The following TMEM65 variants were observed in gnomAD, a reference collection of about 807,000 sequenced individuals.
The protein encoded by TMEM65 is transmembrane protein 65.
In TMEM65, 22 loss-of-function variants were observed where a neutral mutation model predicts 25.4. That is an observed-to-expected ratio of 0.86 (90% CI 0.62 to 1.23). The LOEUF is 1.23. Among genes scored for constraint, TMEM65 ranks in the 50% most tolerant of loss-of-function variants. The pLI is 0.00. For missense variants in TMEM65, 262 were observed against 308.2 expected, an observed-to-expected ratio of 0.85 and a Z score of 1.12; for synonymous variants, 132 against 126.2, an observed-to-expected ratio of 1.05 and a Z score of -0.31.
At chr8:124,348,696 T>C (rs1563596571) in intron 1 of TMEM65, among the ~76,000 whole-genome samples, 1 of 152,192 alleles carries the variant, frequency 6.6e-6, no homozygotes, top group Non-Finnish European at 1.5e-5. Flanking sequence ...TAAAATAAAA[T>C]TGTTTCGTAT....
chr8:124,342,111 T>C (rs1443463292), intron 1 of TMEM65, among the ~76,000 whole-genome samples: 1 of 152,138 alleles, frequency 6.6e-6, no homozygotes, highest in Admixed American at 6.5e-5. Flanking sequence ...AAATGCTGTA[T>C]GCAACAGAAA....
In TMEM65 at chr8:124,358,027, G is replaced by A. The variant is rs562435593; in HGVS notation, c.304+13827C>T. Among the ~76,000 whole-genome samples the A allele has an allele frequency of 1.8e-3, 276 of 151,672 alleles. 1 individual carries two copies. The highest frequency in any genetic ancestry group is 3.0e-3 in the Non-Finnish European group (207 of 67,904). ...GTATTTTCAGTAGAGACACGGTTTC[G>A]CCATGTTAGCCAGGCTGGTCTCAAA... On this transcript the variant is annotated intron_variant, in intron 1 of 6. Transcript: ENST00000297632.
chr8:124,362,286 G>C (rs930709073), intron 1 of TMEM65, among the ~76,000 whole-genome samples: 2 of 152,110 alleles, frequency 1.3e-5, no homozygotes, highest in African/African-American at 4.8e-5. Context: ...GAAGATATTT[G>C]AAGGTTGTTT....
At chr8:124,366,528 C>T (rs1046808939) in intron 1 of TMEM65, among the ~76,000 whole-genome samples, 6 of 150,756 alleles carry the variant, frequency 4.0e-5, no homozygotes, top group African/African-American at 7.3e-5. Context: ...TGCCTATATC[C>T]TTTTTTTTTC....
At chr8:124,336,715 TA>T (rs1232256923) in intron 1 of TMEM65, among the ~76,000 whole-genome samples, 20 of 151,938 alleles carry the variant, frequency 1.3e-4, no homozygotes, top group African/African-American at 4.6e-4. Context: ...ATACTTACAT[TA>T]AAAAGAAGAA....
intron 1 of TMEM65, among the ~76,000 whole-genome samples, chr8:124,359,651 A>G (rs182952864): frequency 4.6e-5 from 7 of 152,200 alleles, no homozygotes; most frequent in African/African-American, 1.4e-4. Context: ...CTGAAGCACA[A>G]GGGAGGCTTG....
intron 3 of TMEM65, among the ~76,000 whole-genome samples, chr8:124,324,737 G>T (rs1185432125): frequency 6.6e-6 from 1 of 152,046 alleles, no homozygotes; most frequent in East Asian, 1.9e-4. Flanking sequence ...CCTTCTAACA[G>T]CAGGAAAAGC....
intron 1 of TMEM65, among the ~76,000 whole-genome samples, chr8:124,333,717 A>G (rs1443385825): frequency 2.6e-5 from 4 of 152,188 alleles, no homozygotes; most frequent in Admixed American, 6.6e-5. Flanking sequence ...AAAATTATTG[A>G]AACCAGGTTG....
intron 1 of TMEM65, among the ~76,000 whole-genome samples, chr8:124,335,471 GATTTA>G (rs2131207993): frequency 6.6e-6 from 1 of 152,206 alleles, no homozygotes; most frequent in African/African-American, 2.4e-5. Context: ...TTTTCCTAGT[GATTTA>G]ATTTAAATAG....
intron 1 of TMEM65, among the ~76,000 whole-genome samples, chr8:124,340,510 C>T (rs981307415): frequency 6.5e-5 from 9 of 138,020 alleles, no homozygotes; most frequent in Non-Finnish European, 9.4e-5. Flanking sequence ...TTAAAACAGA[C>T]ATATCTTCAC....
At chr8:124,330,042 T>C (rs563497321) in intron 2 of TMEM65, among the ~76,000 whole-genome samples, 2 of 152,088 alleles carry the variant, frequency 1.3e-5, no homozygotes, top group African/African-American at 2.4e-5. Context: ...TAGTATATAA[T>C]GATCTCCTAC....
intron 1 of TMEM65, among the ~76,000 whole-genome samples, chr8:124,346,095 AG>A (rs1586467430): frequency 6.6e-6 from 1 of 152,360 alleles, no homozygotes; most frequent in East Asian, 1.9e-4. Context: ...GGAAGCCTTC[AG>A]GAAACTTAAA....
chr8:124,314,122 G>GA lies in TMEM65; in HGVS notation c.622-62dup, dbSNP rs113096882. On this transcript the variant is annotated intron_variant, in intron 6 of 6. Coordinates refer to ENST00000297632, the MANE Select transcript of TMEM65 (RefSeq NM_194291.3). Reference sequence around the variant, plus strand: ...TTATCTCTGATAACAAGAAGGCAGAGAAAAAATCTCACCAGCTCTTCTCAA... The same window carrying GA: ...TTATCTCTGATAACAAGAAGGCAGAGAAAAAAATCTCACCAGCTCTTCTCAA... 2,833 of 1,347,246 alleles carry GA rather than the reference G, an allele frequency of 2.1e-3. 36 individuals are homozygous for GA. The African/African-American group carries it at 0.032, about 15-fold the overall frequency. 83.5% of individuals were successfully genotyped at this position (1,347,246 alleles called of 1,614,324 possible). A position where few individuals can be genotyped will look rare whatever the true frequency, so the allele number is the denominator to read the frequency against.
At chr8:124,346,319 G>A (rs1163879485) in intron 1 of TMEM65, among the ~76,000 whole-genome samples, 1 of 152,138 alleles carries the variant, frequency 6.6e-6, no homozygotes, top group African/African-American at 2.4e-5. Context: ...TTTGAGATGA[G>A]ATTTGAGTGG....
intron 1 of TMEM65, among the ~76,000 whole-genome samples, chr8:124,360,307 G>GCAGCCC (rs1449448266): frequency 2.6e-5 from 4 of 151,750 alleles, no homozygotes; most frequent in Non-Finnish European, 4.4e-5. Context: ...GCGCGCGCCT[G>GCAGCCC]CAGCCCCAGC....
chr8:124,323,911 TCTA>T (rs777917536), intron 3 of TMEM65, among the ~76,000 whole-genome samples: 4 of 152,128 alleles, frequency 2.6e-5, no homozygotes, highest in Non-Finnish European at 5.9e-5. Context: ...GTACAATAGA[TCTA>T]CACTCAAAAC....
chr8:124,332,327 T>A (rs539567463), intron 1 of TMEM65, among the ~76,000 whole-genome samples: 1 of 152,268 alleles, frequency 6.6e-6, no homozygotes, highest in Non-Finnish European at 1.5e-5. Context: ...CTGTGAGAAG[T>A]CCTTGTCAGT....
chr8:124,339,222 A>AATATATATATAGATATATAT (rs1814555345), intron 1 of TMEM65, among the ~76,000 whole-genome samples: 1 of 19,904 alleles, frequency 5.0e-5, no homozygotes, highest in Non-Finnish European at 7.9e-5. Context: ...AAAAAAAAAA[A>AATATATATATAGATATATAT]ATATATATAT....
rs142691333 is a variant in TMEM65, at chr8:124,352,373, T to C, written c.304+19481A>G. Among the ~76,000 whole-genome samples the C allele has an allele frequency of 2.5e-3, 378 of 152,110 alleles. 1 individual carries two copies. The highest frequency in any genetic ancestry group is 7.8e-3 in the African/African-American group (325 of 41,488). On this transcript the variant is annotated intron_variant, in intron 1 of 6. Coordinates refer to ENST00000297632, the MANE Select transcript of TMEM65 (RefSeq NM_194291.3). ...AGAAATAGGGCATTAAAATTTAATA[T>C]ACATTTTTTTCTGCCTATACAAATT...
Sources: gnomAD v4.1 joint callset for allele counts (sites outside exome capture counted in the v4.1 genomes callset) on GRCh38, gnomAD v4.1.1 for gene constraint, MANE v1.5 for transcripts, NCBI Gene and HGNC (gene_info 2026-07-23, HGNC 2026-07-21) for gene names.